HTR3E: variants seen among roughly 807,000 people sequenced by gnomAD.
HTR3E encodes 5-hydroxytryptamine receptor 3E.
HTR3E carries 38 observed loss-of-function variants against 38.0 expected under a neutral mutation model. The observed-to-expected ratio is 1.00, with a 90% confidence interval of 0.77 to 1.31. HTR3E has a LOEUF of 1.31. Ranked by LOEUF, HTR3E falls within the 50% of genes most tolerant of loss-of-function variation. HTR3E has a pLI of 0.00. For missense variants in HTR3E, 547 were observed against 585.2 expected, an observed-to-expected ratio of 0.93 and a Z score of 0.67; for synonymous variants, 210 against 232.9, an observed-to-expected ratio of 0.90 and a Z score of 0.89.
chr3:184,101,515 C>T lies in HTR3E; in HGVS notation c.265C>T (p.Leu89=). 2 of 1,613,464 alleles carry T rather than the reference C, an allele frequency of 1.2e-6. No individual in the cohort carries two copies. Among genetic ancestry groups the T allele is most frequent in the Non-Finnish European group, 1.7e-6 (2 of 1,179,402 alleles). Reference sequence around the variant, plus strand: ...ACAGCTGCACCTCTTGTCATCATTCCTGTGGCTGGAAATGGTATGGACAAC... The same window carrying T: ...ACAGCTGCACCTCTTGTCATCATTCTTGTGGCTGGAAATGGTATGGACAAC... ...NEQLHLLSSF[L]WLEMVWDNPF... Residue 89 remains leucine (L), a synonymous_variant, in exon 3 of 9, where the codon CTG becomes TTG. Coordinates refer to ENST00000415389, the MANE Select transcript of HTR3E (RefSeq NM_001256613.2).
chr3:184,102,101 A>G (rs944537205), intron 3 of HTR3E, among the ~76,000 whole-genome samples: 3 of 152,220 alleles, frequency 2.0e-5, no homozygotes, highest in Non-Finnish European at 4.4e-5. Flanking sequence ...CTTTGTATCA[A>G]TGACCATACA....
At chr3:184,104,115 A>T (rs1347225278) in intron 3 of HTR3E, 67 bp from the exon 4 acceptor site, 3 of 1,154,096 alleles carry the variant, frequency 2.6e-6, no homozygotes, top group African/African-American at 3.2e-5. Flanking sequence ...GAAGTATTTC[A>T]TAACTTTTTT....
chr3:184,100,363 T>C (rs1341275967), intron 1 of HTR3E, 122 bp from the exon 2 acceptor site: 1 of 1,612,734 alleles, frequency 6.2e-7, no homozygotes, highest in Non-Finnish European at 8.5e-7. Flanking sequence ...ACACAGCCAG[T>C]GCTCAACAAA....
At chr3:184,100,302 G>A (rs1560093409) in intron 1 of HTR3E, 183 bp from the exon 2 acceptor site, 3 of 1,460,172 alleles carry the variant, frequency 2.1e-6, no homozygotes, top group Non-Finnish European at 2.8e-6. Context: ...TAGGGGATTG[G>A]GAGGATTAAA....
intron 1 of HTR3E, among the ~76,000 whole-genome samples, 165 bp downstream of exon 1, chr3:184,097,761 G>T (rs568086143): frequency 2.0e-5 from 3 of 152,244 alleles, no homozygotes; most frequent in African/African-American, 4.8e-5. Flanking sequence ...TTCCTTTTCT[G>T]AAAGACGGAA....
Position 184,099,053 on chromosome 3 carries a change from A to T in HTR3E, c.68-1432A>T, listed in dbSNP as rs998000910. Among the ~76,000 whole-genome samples the T allele has an allele frequency of 2.6e-5, 4 of 151,438 alleles. No individual in the cohort carries two copies. In the South Asian group the frequency reaches 6.3e-4, roughly 24 times the overall value. On this transcript the variant is annotated intron_variant, in intron 1 of 8. Coordinates refer to ENST00000415389, the MANE Select transcript of HTR3E (RefSeq NM_001256613.2). The stretch of plus-strand genomic sequence containing the variant: ...GTGAGACTCCCTCTAAAAAAAATTT[A>T]AAAATTTAAAAAAGAAATTAAAAAA...
chr3:184,104,442 A>C (rs940007396), intron 4 of HTR3E, 151 bp downstream of exon 4: 1 of 1,261,816 alleles, frequency 7.9e-7, no homozygotes, highest in Non-Finnish European at 1.1e-6. Context: ...GCAGTGGCTA[A>C]TGCCTGTAAT....
Position 184,106,529 on chromosome 3 carries a change from G to C in HTR3E, c.1207G>C (p.Gly403Arg), listed in dbSNP as rs1712472660. Residue 403 changes from glycine (G) to arginine (R), a missense_variant, in exon 9 of 9, where the codon GGC becomes CGC. Transcript: ENST00000415389. This position sits in a 1 kb window ranked among gnomAD's most constrained non-coding sequence, Gnocchi z 4.1. ...PGPAEAELTG[G>R]SEWTRAQREH... ...CCCTGCGGAGGCAGAGCTGACAGGG[G>C]GCTCAGAATGGACAAGGGCCCAGCG... The C allele has an allele frequency of 6.2e-7, 1 of 1,613,528 alleles. No homozygotes were observed. The highest frequency in any genetic ancestry group is 1.1e-5 in the South Asian group (1 of 91,028).
chr3:184,106,665 T>C lies in HTR3E; in HGVS notation c.1343T>C (p.Ile448Thr), dbSNP rs1289264864. The part of the protein sequence containing the change: ...LYLLFMASSI[I>T]TVICLWNT The stretch of plus-strand genomic sequence containing the variant: ...CTGCTCTTCATGGCCTCCTCTATCA[T>C]CACCGTCATATGCCTCTGGAACACC... The change falls in exon 9 of 9, where the codon ATC becomes ACC. Residue 448 changes from isoleucine (I) to threonine (T), a missense_variant. Physicochemically the swap from Ile to Thr is moderately conservative, Grantham distance 89. Transcript: ENST00000415389. The surrounding 1 kb of genome is among the most constrained non-coding windows in gnomAD (Gnocchi z 4.1). The C allele has an allele frequency of 1.9e-6, 3 of 1,614,022 alleles. No homozygotes were observed. The highest frequency in any genetic ancestry group is 2.5e-6 in the Non-Finnish European group (3 of 1,180,024).
At position 184,106,372 on chromosome 3, in the gene HTR3E, A is replaced by G. The variant is rs1171835923; in HGVS notation, c.1141+29A>G. On this transcript the variant is annotated intron_variant, in intron 8 of 8. Transcript: ENST00000415389. This position sits in a 1 kb window ranked among gnomAD's most constrained non-coding sequence, Gnocchi z 4.1. ...AGGGAAGTCACATTCCTCTTCCCCC[A>G]CCTCCACTTCTCTGCTCCTGCCTCC... is the stretch of plus-strand genomic sequence containing the variant. The G allele has an allele frequency of 1.3e-6, 2 of 1,582,790 alleles. No individual in the cohort carries two copies. The highest frequency in any genetic ancestry group is 4.7e-5 in the East Asian group (2 of 42,874).
Position 184,100,663 on chromosome 3 carries a change from C to A in HTR3E, c.234+12C>A. The A allele has an allele frequency of 6.2e-7, 1 of 1,609,234 alleles. No homozygotes were observed. The highest frequency in any genetic ancestry group is 8.5e-7 in the Non-Finnish European group (1 of 1,176,540). ...CCATCCTAGATGTGGTGAGTGCTGA[C>A]CTCTCTAGCCCTCCTTGGTGTCCTT... is the stretch of plus-strand genomic sequence containing the variant. On this transcript the variant is annotated intron_variant, in intron 2 of 8. Coordinates refer to ENST00000415389, the MANE Select transcript of HTR3E (RefSeq NM_001256613.2).
At position 184,099,720 on chromosome 3, in the gene HTR3E, C is replaced by CAAAAAA. The variant is rs1192532487; in HGVS notation, c.68-750_68-745dup. 4.6e-3 allele frequency among the ~76,000 whole-genome samples: 206 copies of CAAAAAA among 44,574 alleles called. 1 individual carries two copies. Among genetic ancestry groups the CAAAAAA allele is most frequent in the Non-Finnish European group, 5.9e-3 (157 of 26,430 alleles). The allele number at this position is 44,574 out of a possible 152,430, so 29.2% of individuals were successfully genotyped here. A position where few individuals can be genotyped will look rare whatever the true frequency, so the allele number is the denominator to read the frequency against. ...TGGGCGACAGAGCGAGACTCCGTCT[C>CAAAAAA]AAAAAAAAAAAAAAAAAAAAGAAAG... On this transcript the variant is annotated intron_variant, in intron 1 of 8. Transcript: ENST00000415389.
At chr3:184,102,441 G>C (rs1184376404) in intron 3 of HTR3E, among the ~76,000 whole-genome samples, 1 of 141,328 alleles carries the variant, frequency 7.1e-6, no homozygotes, top group East Asian at 2.2e-4. Flanking sequence ...TGTAGCCTGG[G>C]CAACAGAGTG....
chr3:184,104,914 C>A lies in HTR3E; in HGVS notation c.517C>A (p.Gln173Lys). The A allele has an allele frequency of 6.2e-7, 1 of 1,613,962 alleles. No individual in the cohort carries two copies. Among genetic ancestry groups the A allele is most frequent in the Non-Finnish European group, 8.5e-7 (1 of 1,179,988 alleles). The change falls in exon 5 of 9, where the codon CAG (glutamine) becomes AAG (lysine). Residue 173 changes from glutamine to lysine, a missense_variant. Coordinates refer to ENST00000415389, the MANE Select transcript of HTR3E (RefSeq NM_001256613.2). Reference protein sequence around the residue: ...NLDIFYFPFDQQNCTLTFSSF... With the variant: ...NLDIFYFPFDKQNCTLTFSSF... The stretch of plus-strand genomic sequence containing the variant: ...GGACATCTTCTACTTCCCCTTCGAC[C>A]AGCAGAACTGCACACTCACCTTCAG...
intron 3 of HTR3E, among the ~76,000 whole-genome samples, chr3:184,103,815 A>G (rs998579836): frequency 4.6e-5 from 7 of 151,856 alleles, no homozygotes; most frequent in African/African-American, 1.7e-4. Flanking sequence ...AAAAGAAAGA[A>G]AAAGAAAAGA....
intron 3 of HTR3E, among the ~76,000 whole-genome samples, chr3:184,103,239 T>C (rs1712170627): frequency 6.6e-6 from 1 of 152,104 alleles, no homozygotes; most frequent in Non-Finnish European, 1.5e-5. Flanking sequence ...CCCAGCTCTT[T>C]GGGAGGCCTA....
chr3:184,106,099 G>A lies in HTR3E; in HGVS notation c.926-29G>A. 1 of 1,613,496 alleles carries A rather than the reference G, an allele frequency of 6.2e-7. No homozygotes were observed. Among genetic ancestry groups the A allele is most frequent in the Non-Finnish European group, 8.5e-7 (1 of 1,179,698 alleles). On this transcript the variant is annotated intron_variant, in intron 7 of 8. Coordinates refer to ENST00000415389, the MANE Select transcript of HTR3E (RefSeq NM_001256613.2). This position sits in a 1 kb window ranked among gnomAD's most constrained non-coding sequence, Gnocchi z 4.1. ...AGAAGAAATTCTAGGTGGTGCCTCT[G>A]GCCCTCACTAGGCCCCCCTTCCCTC...
chr3:184,099,500 G>C (rs1711854591), intron 1 of HTR3E, among the ~76,000 whole-genome samples: 1 of 151,884 alleles, frequency 6.6e-6, no homozygotes, highest in African/African-American at 2.4e-5. Flanking sequence ...GGATCATGAA[G>C]TCAGGAGATT....
chr3:184,105,243 G>A, intron 5 of HTR3E, 24 bp from the exon 6 acceptor site: 1 of 1,581,844 alleles, frequency 6.3e-7, no homozygotes, highest in African/African-American at 1.4e-5. Flanking sequence ...CTTGAAAAAT[G>A]ATTCAGATGG....
Sources: gnomAD v4.1 joint callset for allele counts (sites outside exome capture counted in the v4.1 genomes callset) on GRCh38, gnomAD v4.1.1 for gene constraint, Gnocchi (gnomAD v3.1) non-coding constraint, MANE v1.5 for transcripts, NCBI Gene and HGNC (gene_info 2026-07-23, HGNC 2026-07-21) for gene names.